The following TTLL9 variants were observed in gnomAD, a reference collection of about 807,000 sequenced individuals.
The protein encoded by TTLL9 is tubulin tyrosine ligase like 9, also known as probable tubulin polyglutamylase TTLL9.
A neutral mutation model predicts 65.6 loss-of-function variants in TTLL9; 47 were observed. The ratio of observed to expected loss-of-function variants is 0.72; its 90% CI spans 0.57 to 0.91. The LOEUF (loss-of-function observed/expected upper bound fraction) is 0.91, where lower values mean the gene tolerates loss of function less well. Among genes scored for constraint, TTLL9 ranks in the 40% least tolerant of loss-of-function variants. TTLL9 has a pLI of 0.00. For synonymous variants in TTLL9, 179 were observed against 204.8 expected, an observed-to-expected ratio of 0.87 and a Z score of 1.07; for missense variants, 537 against 568.8, an observed-to-expected ratio of 0.94 and a Z score of 0.57.
At chr20:31,882,457 C>T (rs2063131866) in intron 2 of TTLL9, among the ~76,000 whole-genome samples, 1 of 152,186 alleles carries the variant, frequency 6.6e-6, no homozygotes, top group South Asian at 2.1e-4. Flanking sequence ...GGAATGAAGG[C>T]AGGTGGCAAT....
intron 8 of TTLL9, among the ~76,000 whole-genome samples, chr20:31,923,682 G>A (rs1234464621): frequency 2.0e-5 from 3 of 152,180 alleles, no homozygotes; most frequent in Non-Finnish European, 4.4e-5. Context: ...GCCAACATCT[G>A]CTTTTCTCAC....
intron 8 of TTLL9, among the ~76,000 whole-genome samples, chr20:31,924,648 G>C: frequency 6.6e-6 from 1 of 151,764 alleles, no homozygotes; most frequent in Middle Eastern, 3.2e-3. Context: ...GCAGGGTCAC[G>C]ATCATAGCTC....
chr20:31,904,350 CTTT>C (rs71185374), intron 4 of TTLL9, among the ~76,000 whole-genome samples: 10 of 81,762 alleles, frequency 1.2e-4, no homozygotes, highest in African/African-American at 4.3e-4. Context: ...TTTGATAATT[CTTT>C]TTTTTTTTTT....
intron 2 of TTLL9, 42 bp downstream of exon 2, chr20:31,871,237 A>T (rs777173686): frequency 1.3e-6 from 2 of 1,595,254 alleles, no homozygotes; most frequent in Non-Finnish European, 1.7e-6. Context: ...TTCCAGTCTG[A>T]AGGAGACTAC....
chr20:31,925,880 C>T (rs767197261), intron 9 of TTLL9, 169 bp from the exon 10 acceptor site: 18 of 1,551,580 alleles, frequency 1.2e-5, no homozygotes, highest in South Asian at 3.6e-5. Context: ...TAGTACATCC[C>T]GCTGCGGGCC....
At chr20:31,886,143 C>A (rs912911594) in intron 2 of TTLL9, among the ~76,000 whole-genome samples, 8 of 152,180 alleles carry the variant, frequency 5.3e-5, no homozygotes, top group African/African-American at 1.9e-4. Flanking sequence ...GAGAGCTGAG[C>A]CAATGATGCA....
chr20:31,905,166 G>A (rs1023108816), intron 4 of TTLL9, among the ~76,000 whole-genome samples: 2 of 152,108 alleles, frequency 1.3e-5, no homozygotes, highest in Non-Finnish European at 1.5e-5. Context: ...TGCCTTCTGC[G>A]TTCAAGTGAT....
chr20:31,919,816 G>A (rs1465224012), intron 6 of TTLL9, 48 bp from the exon 7 acceptor site: 1 of 1,490,800 alleles, frequency 6.7e-7, no homozygotes, highest in East Asian at 2.6e-5. Context: ...GGCCAACAAG[G>A]AACCACGCAG....
At chr20:31,883,801 C>T (rs1475217890) in intron 2 of TTLL9, among the ~76,000 whole-genome samples, 11 of 151,730 alleles carry the variant, frequency 7.2e-5, no homozygotes, top group Admixed American at 7.2e-4. Context: ...CAATATAGTA[C>T]AGGAAACTAT....
intron 4 of TTLL9, among the ~76,000 whole-genome samples, chr20:31,899,138 T>C (rs2063432734): frequency 6.6e-6 from 1 of 152,238 alleles, no homozygotes; most frequent in Non-Finnish European, 1.5e-5. Flanking sequence ...TTCGACATGC[T>C]AGAAGTTTAT....
intron 2 of TTLL9, among the ~76,000 whole-genome samples, chr20:31,875,816 TAA>T (rs1186462000): frequency 6.6e-6 from 1 of 152,172 alleles, no homozygotes; most frequent in Admixed American, 6.5e-5. Context: ...TTGAAGTAGT[TAA>T]GTTCCCTTTT....
intron 2 of TTLL9, among the ~76,000 whole-genome samples, chr20:31,875,848 T>C (rs2063031808): frequency 2.0e-5 from 3 of 152,168 alleles, no homozygotes; most frequent in Admixed American, 1.3e-4. Context: ...CTTCCTTCAC[T>C]CTCTCCCCAA....
At chr20:31,940,027 ATTTTT>A (rs150651529) in intron 14 of TTLL9, 2 of 150,300 alleles carry the variant, frequency 1.3e-5, no homozygotes, top group Non-Finnish European at 3.0e-5. Context: ...ATTGCATTTT[ATTTTT>A]TTTTTACTTT....
At chr20:31,908,504 A>G in intron 4 of TTLL9, 87 bp from the exon 5 acceptor site, 1 of 873,742 alleles carries the variant, frequency 1.1e-6, no homozygotes, top group Non-Finnish European at 1.9e-6. Flanking sequence ...ACCCTTCCTC[A>G]AGCCCCCTCG....
chr20:31,937,076 C>T (rs189263750), intron 12 of TTLL9, among the ~76,000 whole-genome samples: 28 of 132,250 alleles, frequency 2.1e-4, no homozygotes, highest in Admixed American at 1.2e-3. Flanking sequence ...CCAGCCTGGG[C>T]GACAAGAGCA....
intron 10 of TTLL9, among the ~76,000 whole-genome samples, chr20:31,932,486 G>A (rs977138116): frequency 3.1e-4 from 30 of 96,000 alleles, no homozygotes; most frequent in Non-Finnish European, 4.5e-4. Context: ...AAAAAAAAAA[G>A]GTCTAAAGAA....
chr20:31,936,456 C>G (rs988293913), intron 12 of TTLL9, among the ~76,000 whole-genome samples: 2 of 151,570 alleles, frequency 1.3e-5, no homozygotes, highest in African/African-American at 4.9e-5. Context: ...AGTGACAGAA[C>G]TGGATTCTGA....
At position 31,943,233 on chromosome 20, in the gene TTLL9, C is replaced by T. The variant is rs2064250567; in HGVS notation, c.*212C>T. 1.7e-6 allele frequency: 1 copy of T among 599,290 alleles called. No individual in the cohort carries two copies. Among genetic ancestry groups the T allele is most frequent in the Non-Finnish European group, 3.0e-6 (1 of 334,832 alleles). The allele number at this position is 599,290 out of a possible 1,614,324, so 37.1% of individuals were successfully genotyped here. ...AGGCATCTTTGCACCAGGAGACAGC[C>T]AATCACTGGGACTGGGGGAGGTTTA... On this transcript the variant is annotated 3_prime_UTR_variant, in exon 15 of 15. Transcript: ENST00000535842.
chr20:31,891,120 C>G (rs1262981020), intron 3 of TTLL9, among the ~76,000 whole-genome samples: 1 of 152,212 alleles, frequency 6.6e-6, no homozygotes, highest in Non-Finnish European at 1.5e-5. Flanking sequence ...GCATATTCGA[C>G]TTTACTAAAA....
Sources: allele counts gnomAD v4.1 joint callset (sites outside exome capture counted in the v4.1 genomes callset), GRCh38; gene constraint gnomAD v4.1.1; transcripts MANE v1.5; gene names NCBI Gene and HGNC (gene_info 2026-07-23, HGNC 2026-07-21).